Variants in DENND1A observed in about 807,000 individuals in gnomAD.
The protein encoded by DENND1A is DENN domain containing 1A, also known as DENN domain-containing protein 1A.
A neutral mutation model predicts 113.7 loss-of-function variants in DENND1A; 51 were observed. That is an observed-to-expected ratio of 0.45 (90% CI 0.36 to 0.57). DENND1A has a LOEUF of 0.57. DENND1A is among the 20% of genes least tolerant of loss of function. DENND1A has a pLI of 0.00. For synonymous variants in DENND1A, 565 were observed against 570.8 expected (o/e 0.99, Z 0.14); for missense variants, 1,258 against 1,395.9 (o/e 0.90, Z 1.57).
At chr9:123,649,662 T>C (rs1162653500) in intron 9 of DENND1A, among the ~76,000 whole-genome samples, 3 of 152,240 alleles carry the variant, frequency 2.0e-5, no homozygotes, top group Non-Finnish European at 2.9e-5. Flanking sequence ...TTTGCTAAGC[T>C]ATTTTCTTCT....
intron 2 of DENND1A, among the ~76,000 whole-genome samples, chr9:123,839,496 G>C (rs1443173266): frequency 6.6e-6 from 1 of 152,092 alleles, no homozygotes; most frequent in African/African-American, 2.4e-5. Context: ...TGTTAGATGG[G>C]GCATTCTCAT....
chr9:123,666,678 A>G (rs1473379478), intron 8 of DENND1A, among the ~76,000 whole-genome samples: 1 of 152,220 alleles, frequency 6.6e-6, no homozygotes, highest in Non-Finnish European at 1.5e-5. Context: ...AAAATAAGTC[A>G]TATGAATGAA....
intron 19 of DENND1A, chr9:123,413,382 C>G (rs2044465726): frequency 1.0e-6 from 1 of 978,650 alleles, no homozygotes; most frequent in Non-Finnish European, 1.2e-6. Flanking sequence ...ACATGTGACT[C>G]CCGTATGAAG....
intron 9 of DENND1A, among the ~76,000 whole-genome samples, chr9:123,650,906 C>CA (rs76905879): frequency 0.14 from 5,083 of 35,212 alleles, 543 homozygotes; most frequent in Non-Finnish European, 0.17. Context: ...GACTCTGTCT[C>CA]AAAAAAAAAA....
intron 19 of DENND1A, among the ~76,000 whole-genome samples, chr9:123,428,132 T>C (rs2045881110): frequency 6.7e-6 from 1 of 149,368 alleles, no homozygotes; most frequent in Non-Finnish European, 1.5e-5. Context: ...GATGAAACCC[T>C]GTCTCTACAA....
Position 123,930,053 on chromosome 9 carries a change from TCGC to T in DENND1A, c.-151_-149del, listed in dbSNP as rs1172827967. On this transcript the variant is annotated 5_prime_UTR_variant, in exon 1 of 24. Coordinates refer to ENST00000394215, the MANE Select transcript of DENND1A (RefSeq NM_001352964.2). ...GCCCGCCCGCTCGAGGCTCGCTCCC[TCGC>T]CGCCGCCGCCGCCTCCAGGGGTTAA... The T allele has an allele frequency of 1.1e-4, 22 of 204,356 alleles. No homozygotes were observed. Among genetic ancestry groups the T allele is most frequent in the Non-Finnish European group, 1.9e-4 (20 of 104,658 alleles). 12.7% of individuals were successfully genotyped at this position (204,356 alleles called of 1,614,324 possible). A position where few individuals can be genotyped will look rare whatever the true frequency, so the allele number is the denominator to read the frequency against.
In DENND1A at chr9:123,691,540, AT is replaced by A. The variant is rs59588397; in HGVS notation, c.303-14752del. ...GTAGAGCGGGGTGTCTCTTTGTGTG[AT>A]TTTTTTTTTTTTTTGGAGGGTGGGG... On this transcript the variant is annotated intron_variant, in intron 5 of 23. Transcript: ENST00000394215. Among the ~76,000 whole-genome samples, 520 of 140,662 alleles carry A rather than the reference AT, an allele frequency of 3.7e-3. 1 individual carries two copies. Among genetic ancestry groups the A allele is most frequent in the East Asian group, 0.011 (53 of 4,834 alleles). 92.3% of individuals were successfully genotyped at this position (140,662 alleles called of 152,430 possible).
intron 2 of DENND1A, among the ~76,000 whole-genome samples, chr9:123,814,198 A>G (rs1837094497): frequency 6.6e-6 from 1 of 152,176 alleles, no homozygotes; most frequent in African/African-American, 2.4e-5. Context: ...TTAAGAGGGT[A>G]TGTAACACGG....
chr9:123,794,399 T>C (rs1046212733), intron 2 of DENND1A, among the ~76,000 whole-genome samples: 3 of 152,176 alleles, frequency 2.0e-5, no homozygotes, highest in Non-Finnish European at 2.9e-5. Flanking sequence ...CTGAGGGACA[T>C]AATAAAACAG....
At position 123,600,548 on chromosome 9, in the gene DENND1A, G is replaced by C. The variant is rs140462877; in HGVS notation, c.765+8888C>G. 3.1e-3 allele frequency among the ~76,000 whole-genome samples: 471 copies of C among 152,262 alleles called. 3 individuals are homozygous for C. Among genetic ancestry groups the C allele is most frequent in the Admixed American group, 5.2e-3 (80 of 15,300 alleles). ...TCAATGGTCAAGATTATTATGTATA[G>C]GTATTTCCAGCAGGAATCTTTTAAG... On this transcript the variant is annotated intron_variant, in intron 11 of 23. Coordinates refer to ENST00000394215, the MANE Select transcript of DENND1A (RefSeq NM_001352964.2).
chr9:123,814,811 C>T (rs924605030), intron 2 of DENND1A, among the ~76,000 whole-genome samples: 1 of 152,148 alleles, frequency 6.6e-6, no homozygotes, highest in Non-Finnish European at 1.5e-5. Flanking sequence ...CTCTAGTTTC[C>T]TGTGTCCAAG....
intron 2 of DENND1A, among the ~76,000 whole-genome samples, chr9:123,820,131 G>T (rs938974102): frequency 2.6e-5 from 4 of 152,084 alleles, no homozygotes; most frequent in South Asian, 2.1e-4. Context: ...GCACATAGAG[G>T]GCTTTAGGCT....
intron 8 of DENND1A, among the ~76,000 whole-genome samples, chr9:123,659,423 G>T (rs138431432): frequency 7.2e-5 from 11 of 152,238 alleles, no homozygotes; most frequent in African/African-American, 2.6e-4. Flanking sequence ...AAAAGGAAGA[G>T]AATTAATCTC....
chr9:123,606,161 A>C (rs2060146295), intron 11 of DENND1A, among the ~76,000 whole-genome samples: 1 of 152,186 alleles, frequency 6.6e-6, no homozygotes, highest in Non-Finnish European at 1.5e-5. Flanking sequence ...CAACTAGAGC[A>C]CTCGGAATCT....
chr9:123,665,397 G>A (rs1234649002), intron 8 of DENND1A, among the ~76,000 whole-genome samples: 1 of 152,122 alleles, frequency 6.6e-6, no homozygotes, highest in Non-Finnish European at 1.5e-5. Flanking sequence ...TTGTTGAAAT[G>A]GGAACTCTGG....
intron 9 of DENND1A, among the ~76,000 whole-genome samples, chr9:123,643,154 C>T (rs544960925): frequency 1.3e-5 from 2 of 152,314 alleles, no homozygotes; most frequent in South Asian, 2.1e-4. Context: ...TCACCCACCA[C>T]TCCTCAGGCC....
At chr9:123,783,686 C>T (rs979812346) in intron 3 of DENND1A, among the ~76,000 whole-genome samples, 2 of 152,182 alleles carry the variant, frequency 1.3e-5, no homozygotes, top group Non-Finnish European at 2.9e-5. Context: ...CCCTAGCAGT[C>T]TCACTCCAAA....
intron 13 of DENND1A, chr9:123,492,718 G>C (rs930469960): frequency 6.6e-6 from 1 of 152,160 alleles, no homozygotes; most frequent in Non-Finnish European, 1.5e-5. Flanking sequence ...AAGACAGTGC[G>C]ACATGTGATA....
At chr9:123,545,728 A>G (rs1455487367) in intron 13 of DENND1A, among the ~76,000 whole-genome samples, 1 of 151,992 alleles carries the variant, frequency 6.6e-6, no homozygotes, top group East Asian at 1.9e-4. Flanking sequence ...CAGCCTCCCA[A>G]AGTGCTGGGA....
Sources: allele counts gnomAD v4.1 joint callset (sites outside exome capture counted in the v4.1 genomes callset), GRCh38; gene constraint gnomAD v4.1.1; transcripts MANE v1.5; gene names NCBI Gene and HGNC (gene_info 2026-07-23, HGNC 2026-07-21).